ABCC9: variants seen among roughly 807,000 people sequenced by gnomAD.
ABCC9 encodes the protein ATP-binding cassette sub-family C member 9.
In ABCC9, 95 loss-of-function variants were observed where a neutral mutation model predicts 188.3. That is an observed-to-expected ratio of 0.50 (90% CI 0.43 to 0.60). The LOEUF (loss-of-function observed/expected upper bound fraction) is 0.60. Among genes scored for constraint, ABCC9 ranks in the 20% least tolerant of loss-of-function variants. The probability of loss-of-function intolerance (pLI) is 0.00; values close to 1 mark genes in which losing one functional copy is unlikely to be tolerated. For missense variants in ABCC9, 1,102 were observed against 1,876.3 expected, an observed-to-expected ratio of 0.59 and a Z score of 7.62; for synonymous variants, 659 against 652.7, an observed-to-expected ratio of 1.01 and a Z score of -0.15.
intron 5 of ABCC9, among the ~76,000 whole-genome samples, chr12:21,921,656 G>T (rs1324181722): frequency 6.6e-6 from 1 of 152,060 alleles, no homozygotes; most frequent in African/African-American, 2.4e-5. Flanking sequence ...CCAGTCCAAT[G>T]TCCTAGAGAG....
rs547910865 is a variant in ABCC9, at chr12:21,888,086, C to A, written c.1803-152G>T. ...AGACCAACTGGGAATTCAGCTAGATCGACCAAACATCCTAAATTGCTGAGG... is the reference window on the plus strand; with the variant it reads ...AGACCAACTGGGAATTCAGCTAGATAGACCAAACATCCTAAATTGCTGAGG... On this transcript the variant is annotated intron_variant, in intron 14 of 39. Coordinates refer to ENST00000261200, the MANE Select transcript of ABCC9 (RefSeq NM_020297.4). The A allele has an allele frequency of 5.2e-5, 35 of 673,964 alleles. No homozygotes were observed. The South Asian group carries it at 5.3e-4, about 10-fold the overall frequency. The allele number at this position is 673,964 out of a possible 1,614,324, so 41.7% of individuals were successfully genotyped here. A position where few individuals can be genotyped will look rare whatever the true frequency, so the allele number is the denominator to read the frequency against.
chr12:21,937,716 C>T (rs1591762750), intron 2 of ABCC9, among the ~76,000 whole-genome samples: 1 of 152,164 alleles, frequency 6.6e-6, no homozygotes, highest in African/African-American at 2.4e-5. Flanking sequence ...CTTAAATCCT[C>T]AGAACAACCT....
At chr12:21,845,026 T>G in intron 26 of ABCC9, 111 bp from the exon 27 acceptor site, 2 of 1,372,226 alleles carry the variant, frequency 1.5e-6, no homozygotes, top group Non-Finnish European at 2.0e-6. Context: ...TTATTTTGCA[T>G]GCATTTAGAC....
Position 21,936,707 on chromosome 12 carries a change from G to T in ABCC9, c.-20-13C>A, listed in dbSNP as rs751977120. ...TATATGGTTTACTCTAAAAGGGAGA[G>T]AAATGAGAAAGAAAAATCCTCTTAT... On this transcript the variant is annotated splice_polypyrimidine_tract_variant and intron_variant, in intron 2 of 39. Transcript: ENST00000261200. The T allele has an allele frequency of 3.2e-6, 5 of 1,578,842 alleles. No homozygotes were observed. Among genetic ancestry groups the T allele is most frequent in the Non-Finnish European group, 4.3e-6 (5 of 1,151,966 alleles).
chr12:21,889,686 C>T (rs931224462), intron 14 of ABCC9, among the ~76,000 whole-genome samples: 5 of 152,112 alleles, frequency 3.3e-5, no homozygotes, highest in South Asian at 2.1e-4. Flanking sequence ...ATACAAATCA[C>T]GAATCTTTCC....
At chr12:21,816,049 T>G (rs1281041899) in intron 33 of ABCC9, among the ~76,000 whole-genome samples, 156 bp from the exon 34 acceptor site, 1 of 70,296 alleles carries the variant, frequency 1.4e-5, no homozygotes, top group Non-Finnish European at 2.6e-5. Context: ...TTTTTTTTTT[T>G]TTTTTTTTTT....
intron 33 of ABCC9, among the ~76,000 whole-genome samples, chr12:21,816,421 C>G (rs1254199747): frequency 1.3e-5 from 2 of 152,162 alleles, no homozygotes; most frequent in East Asian, 1.9e-4. Context: ...GAAGGCAAAC[C>G]TACGGTGCTC....
intron 2 of ABCC9, among the ~76,000 whole-genome samples, chr12:21,937,564 A>T (rs10734715): frequency 1 from 152,093 of 152,324 alleles, 75,931 homozygotes; most frequent in Middle Eastern, 1. Context: ...TTCTCTATTA[A>T]TGCTGTGCCC....
At chr12:21,935,863 A>G (rs369817132) in intron 3 of ABCC9, among the ~76,000 whole-genome samples, 7 of 152,178 alleles carry the variant, frequency 4.6e-5, no homozygotes, top group African/African-American at 7.2e-5. Flanking sequence ...TAAGTTATAC[A>G]AATTATTCAT....
chr12:21,834,796 C>T lies in ABCC9; in HGVS notation c.3566+3282G>A, dbSNP rs1281015086. 7.2e-4 allele frequency among the ~76,000 whole-genome samples: 102 copies of T among 140,888 alleles called. 1 individual carries two copies. Among genetic ancestry groups the T allele is most frequent in the East Asian group, 1.6e-3 (8 of 5,104 alleles). The allele number at this position is 140,888 out of a possible 152,430, so 92.4% of individuals were successfully genotyped here. A position where few individuals can be genotyped will look rare whatever the true frequency, so the allele number is the denominator to read the frequency against. ...GCATATATAACATTATACACACACA[C>T]ACACACACACACACACACACACACA... On this transcript the variant is annotated intron_variant, in intron 30 of 39. Transcript: ENST00000261200.
chr12:21,890,055 A>T (rs1947075952), intron 14 of ABCC9, among the ~76,000 whole-genome samples: 1 of 152,278 alleles, frequency 6.6e-6, no homozygotes, highest in African/African-American at 2.4e-5. Context: ...AAAATATAGC[A>T]TGGTAATTCC....
chr12:21,863,085 C>G (rs373034811), intron 19 of ABCC9, 31 bp from the exon 20 acceptor site: 132 of 1,382,336 alleles, frequency 9.5e-5, no homozygotes, highest in Non-Finnish European at 1.3e-4. Context: ...AAAAAAACAC[C>G]AGGATTATGC....
rs751455786 is a variant in ABCC9, at chr12:21,806,021, C to G, written c.4489G>C (p.Asp1497His). The G allele has an allele frequency of 2.5e-6, 4 of 1,613,690 alleles. No individual in the cohort carries two copies. Among genetic ancestry groups the G allele is most frequent in the Non-Finnish European group, 3.4e-6 (4 of 1,179,826 alleles). ...LQKVVMTAFA[D>H]RTVVTIAHRV... ...ACAGCTATTGTCACCACGGTCCGGTCTGCAAAGGCTGTCATTACTACTTTT... is the reference window on the plus strand; with the variant it reads ...ACAGCTATTGTCACCACGGTCCGGTGTGCAAAGGCTGTCATTACTACTTTT... Residue 1497 changes from aspartate (D) to histidine (H), a missense_variant, in exon 39 of 40, where the codon GAC becomes CAC. Coordinates refer to ENST00000261200, the MANE Select transcript of ABCC9 (RefSeq NM_020297.4).
intron 5 of ABCC9, chr12:21,925,200 G>A (rs1018064995): frequency 3.7e-6 from 1 of 268,660 alleles, no homozygotes; most frequent in African/African-American, 2.2e-5. Flanking sequence ...CTTTAAGAAA[G>A]AAAGTATACT....
chr12:21,854,809 A>T (rs1218583189), intron 22 of ABCC9, among the ~76,000 whole-genome samples: 2 of 152,226 alleles, frequency 1.3e-5, no homozygotes, highest in Non-Finnish European at 2.9e-5. Context: ...TTTAACATAG[A>T]AGTTATAATG....
At chr12:21,891,972 G>A (rs983531856) in intron 14 of ABCC9, among the ~76,000 whole-genome samples, 1 of 152,138 alleles carries the variant, frequency 6.6e-6, no homozygotes, top group Admixed American at 6.6e-5. Context: ...AAGGATTAAT[G>A]TTCTCTGCTT....
intron 31 of ABCC9, among the ~76,000 whole-genome samples, chr12:21,818,586 A>G (rs1457471016): frequency 6.8e-6 from 1 of 146,580 alleles, no homozygotes; most frequent in Non-Finnish European, 1.5e-5. Flanking sequence ...GAAGTTACAC[A>G]TCTTGCCAGA....
At position 21,915,653 on chromosome 12, in the gene ABCC9, C is replaced by G. The variant is rs1204989743; in HGVS notation, c.816+15G>C. On this transcript the variant is annotated intron_variant, in intron 7 of 39. Transcript: ENST00000261200. ...TCTCTGTAATTAAGCACATGGAAGA[C>G]AGACGCTAAATCACCTTTTGTTCTT... The G allele has an allele frequency of 6.2e-7, 1 of 1,610,732 alleles. No homozygotes were observed. Among genetic ancestry groups the G allele is most frequent in the East Asian group, 2.2e-5 (1 of 44,736 alleles).
At chr12:21,883,736 T>G (rs1286097893) in intron 15 of ABCC9, among the ~76,000 whole-genome samples, 3 of 152,086 alleles carry the variant, frequency 2.0e-5, no homozygotes, top group African/African-American at 7.2e-5. Context: ...TTTTTTTTTG[T>G]CCAAAGATAT....
Sources: allele counts gnomAD v4.1 joint callset (sites outside exome capture counted in the v4.1 genomes callset), GRCh38; gene constraint gnomAD v4.1.1; transcripts MANE v1.5; gene names NCBI Gene and HGNC (gene_info 2026-07-23, HGNC 2026-07-21).